Variants in HK1 observed in about 807,000 individuals in gnomAD.
HK1 encodes hexokinase-1.
A neutral mutation model predicts 91.6 loss-of-function variants in HK1; 28 were observed. The observed-to-expected ratio is 0.31, with a 90% CI of 0.23 to 0.42. The LOEUF is 0.42. Ranked by LOEUF, HK1 falls within the 10% of genes least tolerant of loss-of-function variation. The pLI, the probability that HK1 is intolerant of heterozygous loss-of-function variation, is 1.00. For missense variants in HK1, 770 were observed against 1,219.8 expected (o/e 0.63, Z 5.49); for synonymous variants, 430 against 468.1 (o/e 0.92, Z 1.05).
At chr10:69,294,605 C>G (rs1231390670) in intron 3 of HK1, among the ~76,000 whole-genome samples, 2 of 152,062 alleles carry the variant, frequency 1.3e-5, no homozygotes, top group East Asian at 3.9e-4. Flanking sequence ...ACTTGTAATC[C>G]CAGCACTTGG....
At chr10:69,382,849 A>G (rs951606988) in intron 10 of HK1, 58 bp downstream of exon 10, 1 of 1,568,344 alleles carries the variant, frequency 6.4e-7, no homozygotes. Context: ...ACTGAGCCGC[A>G]GTGGGGGAGG....
At chr10:69,376,304 C>T (rs1432136717) in intron 7 of HK1, among the ~76,000 whole-genome samples, 3 of 151,978 alleles carry the variant, frequency 2.0e-5, no homozygotes, top group Admixed American at 2.0e-4. Flanking sequence ...GTCGCTTGGG[C>T]CCATGAGTTC....
rs573915976 is a variant in HK1, at chr10:69,292,773, G to A, written c.-114-2860G>A. On this transcript the variant is annotated intron_variant, in intron 3 of 21. Coordinates refer to the HK1 transcript ENST00000360289. Reference sequence around the variant, plus strand: ...TCCAGTGCTGCAGAGATACCTGCAGGGGTGAGTGGAGATTGACAATCAGAA... The same window carrying A: ...TCCAGTGCTGCAGAGATACCTGCAGAGGTGAGTGGAGATTGACAATCAGAA... Among the ~76,000 whole-genome samples the A allele has an allele frequency of 7.2e-5, 11 of 152,236 alleles. 1 individual carries two copies. The South Asian group carries it at 2.3e-3, about 32-fold the overall frequency.
At chr10:69,283,798 CAAAAAAAAAAAAA>C (rs571297748) in intron 2 of HK1, among the ~76,000 whole-genome samples, 5 of 67,632 alleles carry the variant, frequency 7.4e-5, no homozygotes, top group African/African-American at 2.7e-4. Context: ...GACTCTGTCT[CAAAAAAAAAAAAA>C]AAAAAAGAAA....
At chr10:69,295,741 T>A in intron 4 of HK1, 1 of 1,054,182 alleles carries the variant, frequency 9.5e-7, no homozygotes, top group Non-Finnish European at 1.5e-6. Context: ...AGATAGTGCG[T>A]GGCAATCCCC....
chr10:69,337,311 C>G (rs1848041883), intron 1 of HK1, among the ~76,000 whole-genome samples: 1 of 152,184 alleles, frequency 6.6e-6, no homozygotes, highest in Admixed American at 6.5e-5. Flanking sequence ...CCCAACTTAG[C>G]TTGAATCATG....
chr10:69,289,109 A>G (rs890869352), intron 3 of HK1, among the ~76,000 whole-genome samples: 1 of 152,156 alleles, frequency 6.6e-6, no homozygotes, highest in Non-Finnish European at 1.5e-5. Flanking sequence ...CACATGTACC[A>G]TAGCCTGCTC....
chr10:69,280,496 GC>G (rs1411023765), intron 1 of HK1, among the ~76,000 whole-genome samples: 2 of 152,128 alleles, frequency 1.3e-5, no homozygotes, highest in Non-Finnish European at 2.9e-5. Flanking sequence ...CATGTTTATG[GC>G]CCCCCAAATT....
chr10:69,282,659 T>C (rs1648223302), exon 2 of HK1: 2 of 152,184 alleles, frequency 1.3e-5, no homozygotes, highest in Non-Finnish European at 2.9e-5. Context: ...GTGTATGTTG[T>C]CCTTTTGGAA....
At chr10:69,295,736 G>A in intron 4 of HK1, 2 of 1,122,732 alleles carry the variant, frequency 1.8e-6, no homozygotes, top group Non-Finnish European at 2.7e-6. Context: ...GTAAAAGATA[G>A]TGCGTGGCAA....
At chr10:69,270,425 A>G (rs1041569185) in intron 1 of HK1, among the ~76,000 whole-genome samples, 5 of 152,086 alleles carry the variant, frequency 3.3e-5, no homozygotes, top group Non-Finnish European at 7.4e-5. Context: ...TACTAAAAAT[A>G]CAAAAAAATT....
intron 2 of HK1, among the ~76,000 whole-genome samples, chr10:69,282,962 CAAA>C (rs35376303): frequency 7.2e-6 from 1 of 138,546 alleles, no homozygotes; most frequent in African/African-American, 2.7e-5. Flanking sequence ...ACTAAAAATA[CAAA>C]AAAAAAAAAA....
chr10:69,314,917 C>G (rs1589469451), upstream of HK1, among the ~76,000 whole-genome samples: 1 of 152,194 alleles, frequency 6.6e-6, no homozygotes, highest in East Asian at 1.9e-4. Context: ...CCTCCCACCT[C>G]AGCCTCCCAA....
intron 1 of HK1, among the ~76,000 whole-genome samples, chr10:69,279,484 G>T (rs1264693455): frequency 6.6e-6 from 1 of 152,170 alleles, no homozygotes; most frequent in Non-Finnish European, 1.5e-5. Context: ...AGGCTGAACT[G>T]GGTTTGCATG....
Position 69,377,100 on chromosome 10 carries a change from T to A in HK1, c.1031+11T>A, listed in dbSNP as rs549520991. 1 of 1,613,864 alleles carries A rather than the reference T, an allele frequency of 6.2e-7. No homozygotes were observed. Among genetic ancestry groups the A allele is most frequent in the African/African-American group, 1.3e-5 (1 of 75,010 alleles). The stretch of plus-strand genomic sequence containing the variant: ...GTCAGCCATCGAAAAGTAGGTACCA[T>A]CCCCTCAAGGCTTTCTTGGGGTGTT... On this transcript the variant is annotated intron_variant, in intron 8 of 17. Coordinates refer to ENST00000359426, the MANE Select transcript of HK1 (RefSeq NM_000188.3).
At chr10:69,349,557 G>A (rs973264972) in intron 2 of HK1, among the ~76,000 whole-genome samples, 3 of 152,262 alleles carry the variant, frequency 2.0e-5, no homozygotes, top group African/African-American at 4.8e-5. Flanking sequence ...TTCAGGATTC[G>A]CTGGCATCTC....
intron 1 of HK1, among the ~76,000 whole-genome samples, chr10:69,323,081 A>G (rs1291956933): frequency 1.3e-5 from 2 of 151,846 alleles, no homozygotes; most frequent in Non-Finnish European, 2.9e-5. Context: ...TCCCGTCTCT[A>G]CTAAAAATAC....
rs567243653 is a variant in HK1 at position 69,286,343 on chromosome 10, A to T, written c.-214-2328A>T. ...TGAGATCCCGTCTCTACAAAAAATT[A>T]AAAAATTAGCCAGCTGTGGTAGTTT... On this transcript the variant is annotated intron_variant, in intron 2 of 21. Transcript: ENST00000360289. Among the ~76,000 whole-genome samples the T allele has an allele frequency of 1.2e-4, 18 of 152,172 alleles. No homozygotes were observed. The East Asian group carries it at 3.3e-3, about 28-fold the overall frequency.
At chr10:69,375,696 G>T (rs533094072) in intron 7 of HK1, among the ~76,000 whole-genome samples, 5 of 152,324 alleles carry the variant, frequency 3.3e-5, no homozygotes, top group African/African-American at 1.2e-4. Context: ...CTCCCGCAGA[G>T]GAGCGGCGGG....
Sources: gnomAD v4.1 joint callset for allele counts (sites outside exome capture counted in the v4.1 genomes callset) on GRCh38, gnomAD v4.1.1 for gene constraint, MANE v1.5 for transcripts, NCBI Gene and HGNC (gene_info 2026-07-23, HGNC 2026-07-21) for gene names.